ERC2: variants seen among roughly 807,000 people sequenced by gnomAD.
ERC2 encodes ERC protein 2.
A neutral mutation model predicts 114.8 loss-of-function variants in ERC2; 42 were observed. That is an observed-to-expected ratio of 0.37 (90% CI 0.29 to 0.47). The LOEUF (loss-of-function observed/expected upper bound fraction) is 0.47, where lower values mean the gene tolerates loss of function less well. ERC2 is among the 20% of genes least tolerant of loss of function. The pLI, the probability that ERC2 is intolerant of heterozygous loss-of-function variation, is 0.99. For synonymous variants in ERC2, 454 were observed against 425.5 expected (o/e 1.07, Z -0.82); for missense variants, 939 against 1,150.7 (o/e 0.82, Z 2.66).
intron 6 of ERC2, among the ~76,000 whole-genome samples, chr3:56,122,221 CACA>C (rs1444641750): frequency 6.6e-6 from 1 of 152,168 alleles, no homozygotes; most frequent in Non-Finnish European, 1.5e-5. Context: ...ACCTCTCAGG[CACA>C]ACAAGTGCAA....
chr3:55,703,123 C>T (rs2148832558), intron 15 of ERC2, among the ~76,000 whole-genome samples: 1 of 152,314 alleles, frequency 6.6e-6, no homozygotes, highest in South Asian at 2.1e-4. Context: ...CCTAACAGCT[C>T]TCCTGCTGCA....
At chr3:55,952,136 AACAC>A (rs778299355) in intron 12 of ERC2, among the ~76,000 whole-genome samples, 798 of 75,336 alleles carry the variant, frequency 0.011, 15 homozygotes, top group South Asian at 0.036. Context: ...CCATCTCTAA[AACAC>A]ACACACACAC....
At chr3:55,555,960 A>T (rs1306400201) in intron 17 of ERC2, among the ~76,000 whole-genome samples, 1 of 152,164 alleles carries the variant, frequency 6.6e-6, no homozygotes, top group Admixed American at 6.5e-5. Context: ...TTAAATGCCT[A>T]TCCCCCAAGC....
chr3:55,884,497 T>C (rs886195337), intron 14 of ERC2, among the ~76,000 whole-genome samples: 2 of 152,078 alleles, frequency 1.3e-5, no homozygotes, highest in Non-Finnish European at 2.9e-5. Flanking sequence ...CTAACAAACA[T>C]CTAAACAAAT....
chr3:55,551,044 T>G (rs1344450818), intron 17 of ERC2, among the ~76,000 whole-genome samples: 1 of 143,114 alleles, frequency 7.0e-6, no homozygotes, highest in Admixed American at 6.9e-5. Context: ...AAGAAAGAAA[T>G]AACATGATAA....
At chr3:55,850,019 G>T (rs1393076524) in intron 14 of ERC2, among the ~76,000 whole-genome samples, 1 of 152,194 alleles carries the variant, frequency 6.6e-6, no homozygotes, top group Non-Finnish European at 1.5e-5. Flanking sequence ...TGGAGGCCCT[G>T]ATGGAGAAAC....
intron 2 of ERC2, among the ~76,000 whole-genome samples, chr3:56,350,667 T>C (rs771080132): frequency 6.6e-6 from 1 of 152,016 alleles, no homozygotes; most frequent in Non-Finnish European, 1.5e-5. Context: ...AAAGAAGGCC[T>C]TCAAGGGACA....
At chr3:55,871,945 GA>G (rs1241885700) in intron 14 of ERC2, among the ~76,000 whole-genome samples, 2 of 152,236 alleles carry the variant, frequency 1.3e-5, no homozygotes, top group East Asian at 3.9e-4. Flanking sequence ...ATGTTTATCT[GA>G]AAAAATAATG....
At chr3:56,281,665 A>C (rs976109843) in intron 3 of ERC2, among the ~76,000 whole-genome samples, 1 of 152,296 alleles carries the variant, frequency 6.6e-6, no homozygotes, top group African/African-American at 2.4e-5. Context: ...TTCTACATGT[A>C]GACTAACATT....
intron 3 of ERC2, among the ~76,000 whole-genome samples, chr3:56,228,094 C>G (rs1174497610): frequency 3.3e-5 from 5 of 152,270 alleles, no homozygotes; most frequent in Non-Finnish European, 5.9e-5. Context: ...GGAGACAATA[C>G]TGATGGGGAG....
intron 17 of ERC2, among the ~76,000 whole-genome samples, chr3:55,601,476 G>A (rs977174463): frequency 4.6e-5 from 7 of 152,324 alleles, no homozygotes; most frequent in African/African-American, 1.4e-4. Flanking sequence ...CTGCCCTGAA[G>A]TTCAGCTGCT....
chr3:56,176,199 A>C (rs2082967133), intron 3 of ERC2, among the ~76,000 whole-genome samples: 1 of 152,204 alleles, frequency 6.6e-6, no homozygotes, highest in Non-Finnish European at 1.5e-5. Flanking sequence ...TCTTATTAAA[A>C]GCCAGGAATG....
chr3:55,680,869 G>T (rs1034412531), intron 17 of ERC2, among the ~76,000 whole-genome samples: 1 of 152,194 alleles, frequency 6.6e-6, no homozygotes, highest in Non-Finnish European at 1.5e-5. Context: ...ATATATGTTT[G>T]GTGTAGGCAG....
intron 2 of ERC2, among the ~76,000 whole-genome samples, chr3:56,325,958 C>G (rs2057342936): frequency 1.3e-5 from 2 of 152,142 alleles, no homozygotes; most frequent in South Asian, 4.1e-4. Flanking sequence ...CTAGAGATGC[C>G]CATCAGACAC....
chr3:56,158,937 T>C (rs2081897609), intron 4 of ERC2, among the ~76,000 whole-genome samples: 1 of 152,162 alleles, frequency 6.6e-6, no homozygotes, highest in African/African-American at 2.4e-5. Flanking sequence ...TGTTCAATTG[T>C]AATCCCCAAT....
intron 15 of ERC2, among the ~76,000 whole-genome samples, chr3:55,720,136 CTTCTTCCTCTTCTTCTTCT>C (rs2064395538): frequency 3.2e-4 from 1 of 3,098 alleles, no homozygotes; most frequent in Non-Finnish European, 6.5e-4. Flanking sequence ...TCTTCCTCTT[CTTCTTCCTCTTCTTCTTCT>C]TCTTCTTCTT....
intron 7 of ERC2, among the ~76,000 whole-genome samples, chr3:56,035,341 CAAAGA>C (rs1427950948): frequency 6.6e-6 from 1 of 152,168 alleles, no homozygotes; most frequent in Non-Finnish European, 1.5e-5. Context: ...AACTTCCCCA[CAAAGA>C]AAAGCCCAGA....
intron 2 of ERC2, among the ~76,000 whole-genome samples, chr3:56,380,412 G>A (rs2059704160): frequency 6.6e-6 from 1 of 152,152 alleles, no homozygotes; most frequent in African/African-American, 2.4e-5. Flanking sequence ...TCCCTGGGCT[G>A]ATGCTAGAGA....
intron 3 of ERC2, among the ~76,000 whole-genome samples, chr3:56,179,672 G>A (rs898242451): frequency 4.0e-5 from 6 of 151,636 alleles, no homozygotes; most frequent in African/African-American, 1.5e-4. Context: ...AGCAAAAGAT[G>A]GCTCCAAGCC....
Sources: gnomAD v4.1 joint callset for allele counts (sites outside exome capture counted in the v4.1 genomes callset) on GRCh38, gnomAD v4.1.1 for gene constraint, MANE v1.5 for transcripts, NCBI Gene and HGNC (gene_info 2026-07-23, HGNC 2026-07-21) for gene names.